Variants in FOCAD observed in about 807,000 individuals in gnomAD.
The protein encoded by FOCAD is KIAA1797.
In FOCAD, 198 loss-of-function variants were observed where a neutral mutation model predicts 225.6. The observed-to-expected ratio is 0.88, with a 90% CI of 0.78 to 0.99. FOCAD has a LOEUF of 0.99. Among genes scored for constraint, FOCAD ranks in the 50% least tolerant of loss-of-function variants. FOCAD has a pLI of 0.00. For synonymous variants in FOCAD, 897 were observed against 755.0 expected (o/e 1.19, Z -3.08); for missense variants, 2,713 against 2,123.6 (o/e 1.28, Z -5.46).
At chr9:20,929,005 T>C (rs982327895) in intron 26 of FOCAD, 2 of 161,662 alleles carry the variant, frequency 1.2e-5, no homozygotes, top group Non-Finnish European at 2.7e-5. Context: ...TTTTTTTGTT[T>C]GTTTTTCTGT....
At position 20,716,612 on chromosome 9, in the gene FOCAD, A is replaced by C. The variant is rs536622372; in HGVS notation, c.58-1182A>C. 3.9e-5 allele frequency among the ~76,000 whole-genome samples: 6 copies of C among 152,206 alleles called. No homozygotes were observed. The East Asian group carries it at 1.2e-3, about 29-fold the overall frequency. ...CTTTGTCCCTATTGTGTTTCATATT[A>C]GTTTTATTAGGTTCTTGTGATTGTG... On this transcript the variant is annotated intron_variant, in intron 2 of 43. Transcript: ENST00000338382.
chr9:20,804,288 C>G (rs1181324997), intron 11 of FOCAD, among the ~76,000 whole-genome samples: 1 of 151,738 alleles, frequency 6.6e-6, no homozygotes, highest in Non-Finnish European at 1.5e-5. Context: ...CCATTCTGTT[C>G]CTTTTCATGT....
chr9:20,672,721 G>A (rs1822105411), intron 2 of FOCAD, among the ~76,000 whole-genome samples: 1 of 152,168 alleles, frequency 6.6e-6, no homozygotes, highest in Non-Finnish European at 1.5e-5. Context: ...AAAGTGTTAG[G>A]ATTACAGGCG....
intron 10 of FOCAD, among the ~76,000 whole-genome samples, chr9:20,787,290 A>G (rs372812699): frequency 1.3e-5 from 2 of 152,200 alleles, no homozygotes; most frequent in East Asian, 1.9e-4. Flanking sequence ...GATGACAGCA[A>G]TACTATTTAC....
chr9:20,855,794 C>CTTTTT (rs369187873), intron 15 of FOCAD, among the ~76,000 whole-genome samples: 1 of 131,820 alleles, frequency 7.6e-6, no homozygotes, highest in African/African-American at 2.8e-5. Flanking sequence ...CCCCTATATT[C>CTTTTT]TTTTTTTTTT....
At chr9:20,699,748 AAAAAAAAAAAAAAAAAAAAAAAAAAAT>A (rs1249037099) in intron 1 of FOCAD, among the ~76,000 whole-genome samples, 58 of 46,166 alleles carry the variant, frequency 1.3e-3, no homozygotes, top group Admixed American at 2.3e-3. Context: ...AAAAAAAAAA[AAAAAAAAAAAAAAAAAAAAAAAAAAAT>A]ATATATATAT....
At chr9:20,796,265 C>T (rs1244049770) in intron 11 of FOCAD, among the ~76,000 whole-genome samples, 1 of 152,192 alleles carries the variant, frequency 6.6e-6, no homozygotes, top group South Asian at 2.1e-4. Context: ...AATAGTGCCA[C>T]AATAAACATA....
intron 11 of FOCAD, among the ~76,000 whole-genome samples, chr9:20,791,218 T>C (rs929528065): frequency 1.7e-5 from 2 of 114,680 alleles, no homozygotes; most frequent in African/African-American, 3.1e-5. Context: ...TATATATGCA[T>C]GCACACACAC....
chr9:20,763,660 A>C (rs1209210252), intron 6 of FOCAD, among the ~76,000 whole-genome samples: 2 of 152,198 alleles, frequency 1.3e-5, no homozygotes, highest in Admixed American at 6.5e-5. Flanking sequence ...GGGAATAGCA[A>C]GTGAGAAGAA....
rs143093818 is a variant in FOCAD at position 20,854,710 on chromosome 9, A to G, written c.1921-7868A>G. 3.9e-3 allele frequency among the ~76,000 whole-genome samples: 585 copies of G among 151,902 alleles called. 4 individuals carry two copies. The highest frequency in any genetic ancestry group is 0.013 in the African/African-American group (545 of 41,520). ...GCATAACATAAACACTTAGGCTGAG[A>G]TGAATTCTTCAGTATCTTATAGACA... On this transcript the variant is annotated intron_variant, in intron 15 of 43. Coordinates refer to ENST00000338382, the MANE Select transcript of FOCAD (RefSeq NM_001375567.1).
Position 20,986,346 on chromosome 9 carries a change from C to G in FOCAD, c.4787C>G (p.Pro1596Arg). 6.6e-7 allele frequency: 1 copy of G among 1,523,612 alleles called. No individual in the cohort carries two copies. Among genetic ancestry groups the G allele is most frequent in the South Asian group, 1.1e-5 (1 of 89,948 alleles). 94.4% of individuals were successfully genotyped at this position (1,523,612 alleles called of 1,614,324 possible). ...KLYLVSQGRF[P>R]LVNLTDMLSV... ...TACTTAGTCTCTCAAGGACGATTCC[C>G]CTTGGTGAACCTGACCGATATGCTG... Residue 1596 changes from proline (P) to arginine (R), a missense_variant, in exon 40 of 44, where the codon CCC becomes CGC. Coordinates refer to ENST00000338382, the MANE Select transcript of FOCAD (RefSeq NM_001375567.1).
intron 11 of FOCAD, among the ~76,000 whole-genome samples, chr9:20,810,043 G>C (rs1822885841): frequency 6.6e-6 from 1 of 152,120 alleles, no homozygotes; most frequent in African/African-American, 2.4e-5. Context: ...TCAGCATAGA[G>C]CTGTAACCAT....
intron 11 of FOCAD, among the ~76,000 whole-genome samples, chr9:20,799,709 C>T (rs1260833705): frequency 6.6e-6 from 1 of 152,066 alleles, no homozygotes; most frequent in Non-Finnish European, 1.5e-5. Flanking sequence ...GGTAGATCTT[C>T]CTCCATCCCT....
chr9:20,860,702 G>C (rs371278361), intron 15 of FOCAD, among the ~76,000 whole-genome samples: 4 of 152,224 alleles, frequency 2.6e-5, no homozygotes, highest in African/African-American at 7.2e-5. Flanking sequence ...GTAGAGACAG[G>C]GTTTCACTGT....
chr9:20,903,717 T>A (rs893482057), intron 21 of FOCAD, among the ~76,000 whole-genome samples: 1 of 151,952 alleles, frequency 6.6e-6, no homozygotes, highest in African/African-American at 2.4e-5. Context: ...GACCTTTGCG[T>A]TACCATTTTT....
chr9:20,669,903 C>T (rs190105776), intron 2 of FOCAD, among the ~76,000 whole-genome samples: 1 of 152,280 alleles, frequency 6.6e-6, no homozygotes, highest in East Asian at 1.9e-4. Context: ...TACATGACTA[C>T]ATAGGTCATA....
chr9:20,932,869 G>C (rs2383171), intron 27 of FOCAD, 145 bp from the exon 28 acceptor site: 1 of 595,424 alleles, frequency 1.7e-6, no homozygotes, highest in South Asian at 2.2e-5. Flanking sequence ...AATAAGAATA[G>C]GCAACTCATC....
intron 6 of FOCAD, among the ~76,000 whole-genome samples, chr9:20,763,078 T>A (rs1458215487): frequency 6.6e-6 from 1 of 152,236 alleles, no homozygotes; most frequent in Non-Finnish European, 1.5e-5. Flanking sequence ...CATCTTTGTA[T>A]CTTATCTAAT....
chr9:20,714,244 C>T (rs533599793), intron 1 of FOCAD, among the ~76,000 whole-genome samples: 6 of 152,128 alleles, frequency 3.9e-5, no homozygotes, highest in Non-Finnish European at 5.9e-5. Context: ...TTGAGTGTCA[C>T]GTCAGTGCTC....
Sources: allele counts gnomAD v4.1 joint callset (sites outside exome capture counted in the v4.1 genomes callset), GRCh38; gene constraint gnomAD v4.1.1; transcripts MANE v1.5; gene names NCBI Gene and HGNC (gene_info 2026-07-23, HGNC 2026-07-21).